NKAIN2: variants seen among roughly 807,000 people sequenced by gnomAD.
NKAIN2 encodes the protein sodium/potassium transporting ATPase interacting 2.
Under a neutral mutation model 32.6 loss-of-function variants are expected in NKAIN2, and 14 were observed. The ratio of observed to expected loss-of-function variants is 0.43; its 90% CI spans 0.28 to 0.67. The LOEUF is 0.67. Among genes scored for constraint, NKAIN2 ranks in the 30% least tolerant of loss-of-function variants. The pLI, the probability that NKAIN2 is intolerant of heterozygous loss-of-function variation, is 0.17. For synonymous variants in NKAIN2, 80 were observed against 87.2 expected (o/e 0.92, Z 0.46); for missense variants, 198 against 258.3 (o/e 0.77, Z 1.60).
At chr6:124,346,492 G>T (rs1270789827) in intron 2 of NKAIN2, among the ~76,000 whole-genome samples, 1 of 152,096 alleles carries the variant, frequency 6.6e-6, no homozygotes, top group Non-Finnish European at 1.5e-5. Flanking sequence ...GGTCACTCAG[G>T]ACTTGCTTTA....
At chr6:123,938,396 TTATA>T (rs71021471) in intron 1 of NKAIN2, among the ~76,000 whole-genome samples, 134 of 53,920 alleles carry the variant, frequency 2.5e-3, no homozygotes, top group Middle Eastern at 9.6e-3. Flanking sequence ...TTTGCAAGGG[TTATA>T]TATATATATA....
At position 123,842,596 on chromosome 6, in the gene NKAIN2, C is replaced by A. The variant is rs547424050; in HGVS notation, c.54+38342C>A. On this transcript the variant is annotated intron_variant, in intron 1 of 6. Coordinates refer to ENST00000368417, the MANE Select transcript of NKAIN2 (RefSeq NM_001040214.3). Reference sequence around the variant, plus strand: ...ATAATAAGATTGATATATTCTATTGCACTTCTTAAGAACTTTACAACTTCA... The same window carrying A: ...ATAATAAGATTGATATATTCTATTGAACTTCTTAAGAACTTTACAACTTCA... Among the ~76,000 whole-genome samples, 6 of 152,142 alleles carry A rather than the reference C, an allele frequency of 3.9e-5. No individual in the cohort carries two copies. In the East Asian group the frequency reaches 1.2e-3, roughly 29 times the overall value.
chr6:124,392,117 T>A (rs1184429142), intron 3 of NKAIN2, among the ~76,000 whole-genome samples: 1 of 152,168 alleles, frequency 6.6e-6, no homozygotes, highest in African/African-American at 2.4e-5. Flanking sequence ...ATTATATATT[T>A]TTTTCCTGAA....
intron 3 of NKAIN2, among the ~76,000 whole-genome samples, chr6:124,453,859 G>C (rs1583277032): frequency 6.6e-6 from 1 of 152,036 alleles, no homozygotes; most frequent in South Asian, 2.1e-4. Context: ...GTTAAAAAAA[G>C]TATTGATTTC....
chr6:124,518,907 A>G (rs1779023490), intron 3 of NKAIN2, among the ~76,000 whole-genome samples: 1 of 152,202 alleles, frequency 6.6e-6, no homozygotes, highest in Non-Finnish European at 1.5e-5. Flanking sequence ...TAAGTACTTT[A>G]GAACATGTGA....
intron 1 of NKAIN2, among the ~76,000 whole-genome samples, chr6:123,996,548 A>G (rs527458864): frequency 6.6e-6 from 1 of 152,274 alleles, no homozygotes; most frequent in African/African-American, 2.4e-5. Context: ...CAATACTGAA[A>G]GTTTGAGAAT....
At chr6:123,894,379 C>G (rs1016630895) in intron 1 of NKAIN2, among the ~76,000 whole-genome samples, 1 of 152,092 alleles carries the variant, frequency 6.6e-6, no homozygotes, top group African/African-American at 2.4e-5. Flanking sequence ...TCAAGAATAA[C>G]TCAACGAAAT....
At chr6:124,674,741 GT>G (rs139904223) in intron 4 of NKAIN2, among the ~76,000 whole-genome samples, 142 of 151,932 alleles carry the variant, frequency 9.3e-4, no homozygotes, top group Non-Finnish European at 1.8e-3. Flanking sequence ...TTTCTAACAG[GT>G]TTTTTTGTGA....
chr6:124,616,558 A>G (rs1333368348), intron 3 of NKAIN2, among the ~76,000 whole-genome samples: 9 of 131,670 alleles, frequency 6.8e-5, no homozygotes, highest in Non-Finnish European at 9.3e-5. Context: ...TCCGCCTCCC[A>G]GGTTCACGCC....
chr6:124,361,347 A>G (rs1799279548), intron 3 of NKAIN2, among the ~76,000 whole-genome samples: 1 of 152,036 alleles, frequency 6.6e-6, no homozygotes, highest in Non-Finnish European at 1.5e-5. Flanking sequence ...TCATATTACT[A>G]TTTTCAGATA....
At chr6:124,374,695 A>C (rs1799907636) in intron 3 of NKAIN2, among the ~76,000 whole-genome samples, 1 of 152,172 alleles carries the variant, frequency 6.6e-6, no homozygotes. Flanking sequence ...TGTCCTACAC[A>C]TAATTAGAAA....
chr6:123,917,126 T>G (rs1775538648), intron 1 of NKAIN2, among the ~76,000 whole-genome samples: 1 of 152,188 alleles, frequency 6.6e-6, no homozygotes, highest in African/African-American at 2.4e-5. Context: ...TTATTAGTGT[T>G]CTTAGAACCC....
intron 1 of NKAIN2, among the ~76,000 whole-genome samples, chr6:124,251,819 A>G (rs1793701827): frequency 6.6e-6 from 1 of 152,060 alleles, no homozygotes; most frequent in Non-Finnish European, 1.5e-5. Context: ...ATATTACCTA[A>G]TAAATATTGG....
intron 3 of NKAIN2, among the ~76,000 whole-genome samples, chr6:124,627,698 A>G (rs1049585509): frequency 6.6e-6 from 1 of 152,132 alleles, no homozygotes; most frequent in African/African-American, 2.4e-5. Flanking sequence ...TCTTGTGGGT[A>G]TCATACTCAG....
intron 2 of NKAIN2, among the ~76,000 whole-genome samples, chr6:124,319,101 C>T (rs977688022): frequency 2.6e-5 from 4 of 151,928 alleles, no homozygotes; most frequent in African/African-American, 7.2e-5. Flanking sequence ...GATAAAGTTG[C>T]GGTCTCTCCT....
intron 1 of NKAIN2, among the ~76,000 whole-genome samples, chr6:123,940,515 T>C (rs1024418250): frequency 1.3e-5 from 2 of 151,994 alleles, no homozygotes; most frequent in African/African-American, 4.8e-5. Flanking sequence ...CTACTACACA[T>C]CTAGGGCATA....
At chr6:124,583,163 A>G (rs1781583455) in intron 3 of NKAIN2, among the ~76,000 whole-genome samples, 1 of 151,878 alleles carries the variant, frequency 6.6e-6, no homozygotes, top group Admixed American at 6.6e-5. Flanking sequence ...TTGGAAAGGA[A>G]GAAGTCAAGT....
intron 3 of NKAIN2, among the ~76,000 whole-genome samples, chr6:124,388,337 G>C (rs1296325073): frequency 6.7e-6 from 1 of 149,814 alleles, no homozygotes; most frequent in Non-Finnish European, 1.5e-5. Context: ...CTACGGTGGT[G>C]GTTCTCTGTA....
intron 1 of NKAIN2, among the ~76,000 whole-genome samples, chr6:123,917,444 AAT>A (rs1384173433): frequency 6.6e-6 from 1 of 152,124 alleles, no homozygotes; most frequent in Non-Finnish European, 1.5e-5. Flanking sequence ...TTTAGGCAAA[AAT>A]GCTCATTAAA....
Sources: allele counts gnomAD v4.1 joint callset (sites outside exome capture counted in the v4.1 genomes callset), GRCh38; gene constraint gnomAD v4.1.1; transcripts MANE v1.5; gene names NCBI Gene and HGNC (gene_info 2026-07-23, HGNC 2026-07-21).